DYSF: variants seen among roughly 807,000 people sequenced by gnomAD.
DYSF encodes the protein dystrophy-associated fer-1-like 1.
In DYSF, 212 loss-of-function variants were observed where a neutral mutation model predicts 274.9. The ratio of observed to expected loss-of-function variants is 0.77; its 90% CI spans 0.69 to 0.86. The LOEUF is 0.86. Ranked by LOEUF, DYSF falls within the 40% of genes least tolerant of loss-of-function variation. The pLI is 0.00. For missense variants in DYSF, 2,666 were observed against 2,783.2 expected (o/e 0.96, Z 0.95); for synonymous variants, 1,091 against 1,078.7 (o/e 1.01, Z -0.22).
chr2:71,571,149 AGAT>A, intron 29 of DYSF, among the ~76,000 whole-genome samples: 1 of 150,630 alleles, frequency 6.6e-6, no homozygotes, highest in African/African-American at 2.5e-5. Flanking sequence ...GCGCATGCAC[AGAT>A]CACACCCAGC....
chr2:71,523,731 G>C (rs1559073458), intron 12 of DYSF, among the ~76,000 whole-genome samples: 1 of 152,028 alleles, frequency 6.6e-6, no homozygotes, highest in South Asian at 2.1e-4. Flanking sequence ...ATTTTTAGTA[G>C]AGACGGGGTT....
chr2:71,517,371 A>G (rs1385636132), intron 10 of DYSF, among the ~76,000 whole-genome samples: 1 of 152,214 alleles, frequency 6.6e-6, no homozygotes. Flanking sequence ...CCCATTGCCC[A>G]CCACATACGT....
intron 41 of DYSF, among the ~76,000 whole-genome samples, chr2:71,628,487 G>A (rs2094251503): frequency 6.6e-6 from 1 of 150,654 alleles, no homozygotes; most frequent in South Asian, 2.1e-4. Flanking sequence ...ATTGAGGTCA[G>A]TTCATTATAA....
chr2:71,482,160 G>A (rs887075840), intron 3 of DYSF, among the ~76,000 whole-genome samples, 190 bp downstream of exon 3: 14 of 152,194 alleles, frequency 9.2e-5, no homozygotes, highest in Non-Finnish European at 1.5e-5. Flanking sequence ...TCAGCCATGG[G>A]TACAGCTGAG....
Position 71,497,163 on chromosome 2 carries a change from C to G in DYSF, c.240-6051C>G, listed in dbSNP as rs573362061. Among the ~76,000 whole-genome samples, 60 of 152,320 alleles carry G rather than the reference C, an allele frequency of 3.9e-4. No homozygotes were observed. In the South Asian group the frequency reaches 0.012, roughly 31 times the overall value. ...GGCTGCCAAGATAGAGCTGATTTAT[C>G]AAGACAGGGGAATTGCAACAGAAAA... On this transcript the variant is annotated intron_variant, in intron 3 of 55. Transcript: ENST00000410020.
chr2:71,534,522 T>C (rs1297849877), intron 14 of DYSF, among the ~76,000 whole-genome samples: 2 of 152,224 alleles, frequency 1.3e-5, no homozygotes, highest in African/African-American at 4.8e-5. Flanking sequence ...GTATCTTCAC[T>C]GAATTTTCTT....
At chr2:71,642,601 G>A (rs951478547) in intron 41 of DYSF, among the ~76,000 whole-genome samples, 2 of 152,122 alleles carry the variant, frequency 1.3e-5, no homozygotes, top group Non-Finnish European at 2.9e-5. Context: ...AAGACCCTCC[G>A]GGTAAGTGGG....
chr2:71,631,611 G>A (rs2094313958), intron 41 of DYSF, among the ~76,000 whole-genome samples: 1 of 152,176 alleles, frequency 6.6e-6, no homozygotes, highest in Admixed American at 6.5e-5. Context: ...TGAAAGCACA[G>A]GGGGAGGCGA....
Position 71,637,641 on chromosome 2 carries a change from G to A in DYSF, c.4528-6324G>A, listed in dbSNP as rs566287393. ...GCAGCTGGTTTCATGGTTTCCTTCA[G>A]CCACATTTGGTTGTGGGGGGCTGAT... On this transcript the variant is annotated intron_variant, in intron 41 of 55. Transcript: ENST00000410020. 3.3e-4 allele frequency among the ~76,000 whole-genome samples: 51 copies of A among 152,272 alleles called. 1 individual carries two copies. The South Asian group carries it at 9.9e-3, about 30-fold the overall frequency.
Position 71,639,596 on chromosome 2 carries a change from A to T in DYSF, c.4528-4369A>T, listed in dbSNP as rs530113682. On this transcript the variant is annotated intron_variant, in intron 41 of 55. Coordinates refer to ENST00000410020, the MANE Select transcript of DYSF (RefSeq NM_001130987.2). ...CACTTTTTAGGTTGTGTAATGTTTA[A>T]TCATATGGAGGTACCGTTCAGTTCC... 2.2e-4 allele frequency among the ~76,000 whole-genome samples: 34 copies of T among 152,292 alleles called. No individual in the cohort carries two copies. The South Asian group carries it at 6.8e-3, about 31-fold the overall frequency.
intron 40 of DYSF, among the ~76,000 whole-genome samples, chr2:71,618,218 G>A: frequency 7.0e-6 from 1 of 143,378 alleles, no homozygotes; most frequent in African/African-American, 2.7e-5. Context: ...ATGTGTGTGT[G>A]TGGTAGAGGT....
intron 4 of DYSF, among the ~76,000 whole-genome samples, chr2:71,508,563 C>T (rs1055890219): frequency 2.0e-5 from 3 of 152,174 alleles, no homozygotes; most frequent in East Asian, 3.8e-4. Context: ...ATGTCCCCCA[C>T]ATTGGTTTTG....
intron 3 of DYSF, among the ~76,000 whole-genome samples, chr2:71,493,851 C>CAAAAAAAAAAAAAAAA (rs145288384): frequency 1.4e-5 from 1 of 69,334 alleles, no homozygotes; most frequent in Non-Finnish European, 2.5e-5. Context: ...TACTCTGTCT[C>CAAAAAAAAAAAAAAAA]AAAAAAAAAA....
intron 32 of DYSF, 48 bp from the exon 33 acceptor site, chr2:71,598,515 AG>A (rs760483662): frequency 1.2e-6 from 2 of 1,608,556 alleles, no homozygotes; most frequent in South Asian, 2.2e-5. Flanking sequence ...GACATCTCTC[AG>A]GGTCCCTGCT....
chr2:71,473,466 C>T (rs1166887066), intron 1 of DYSF, among the ~76,000 whole-genome samples: 1 of 152,200 alleles, frequency 6.6e-6, no homozygotes, highest in East Asian at 1.9e-4. Context: ...TCCAAAGCCC[C>T]CTGCAGCTTC....
intron 1 of DYSF, among the ~76,000 whole-genome samples, chr2:71,470,147 C>A (rs921899550): frequency 6.6e-6 from 1 of 152,198 alleles, no homozygotes; most frequent in Non-Finnish European, 1.5e-5. Flanking sequence ...ACTTCCCTCT[C>A]TCTCATCCTG....
chr2:71,559,308 G>A (rs1471455103), intron 22 of DYSF, among the ~76,000 whole-genome samples: 1 of 152,196 alleles, frequency 6.6e-6, no homozygotes, highest in Non-Finnish European at 1.5e-5. Context: ...AATCCACGCT[G>A]GAAACCTGAG....
intron 41 of DYSF, among the ~76,000 whole-genome samples, chr2:71,624,595 T>A (rs1363563897): frequency 6.6e-6 from 1 of 152,182 alleles, no homozygotes; most frequent in Non-Finnish European, 1.5e-5. Flanking sequence ...GGAAATTATA[T>A]GATACAAATA....
intron 10 of DYSF, among the ~76,000 whole-genome samples, 185 bp from the exon 11 acceptor site, chr2:71,519,993 A>T (rs1054669769): frequency 2.6e-5 from 4 of 152,104 alleles, no homozygotes; most frequent in Non-Finnish European, 5.9e-5. Flanking sequence ...GTACATAAGC[A>T]TTCTTTATCA....
Sources: allele counts gnomAD v4.1 joint callset (sites outside exome capture counted in the v4.1 genomes callset), GRCh38; gene constraint gnomAD v4.1.1; transcripts MANE v1.5; gene names NCBI Gene and HGNC (gene_info 2026-07-23, HGNC 2026-07-21).